The following SCRG1 variants were observed in gnomAD, a reference collection of about 807,000 sequenced individuals.
The protein encoded by SCRG1 is stimulator of chondrogenesis 1.
SCRG1 carries 3 observed loss-of-function variants against 7.7 expected under a neutral mutation model. The observed-to-expected ratio is 0.39, with a 90% CI of 0.18 to 1.01. SCRG1 has a LOEUF of 1.01. SCRG1 is among the 50% of genes least tolerant of loss of function. The pLI is 0.36. For missense variants in SCRG1, 110 were observed against 117.2 expected, an observed-to-expected ratio of 0.94 and a Z score of 0.28; for synonymous variants, 46 against 41.2, an observed-to-expected ratio of 1.12 and a Z score of -0.44.
chr4:173,457,846 T>C, the SCRG1 span, among the ~76,000 whole-genome samples: 1 of 152,134 alleles, frequency 6.6e-6, no homozygotes, highest in Non-Finnish European at 1.5e-5. Context: ...CTGTCCCTTT[T>C]CCCCAGTCCC....
chr4:173,457,172 G>C, the SCRG1 span, among the ~76,000 whole-genome samples: 1 of 152,238 alleles, frequency 6.6e-6, no homozygotes, highest in South Asian at 2.1e-4. Context: ...AACATCTGCA[G>C]AGGAAAGTGT....
chr4:173,409,251 A>G (rs988898938), upstream of SCRG1, among the ~76,000 whole-genome samples: 1 of 152,144 alleles, frequency 6.6e-6, no homozygotes, highest in Non-Finnish European at 1.5e-5. Flanking sequence ...GTTATGATAC[A>G]TTAGATGGGA....
chr4:173,416,481 G>A, the SCRG1 span, among the ~76,000 whole-genome samples: 134 of 152,340 alleles, frequency 8.8e-4, 2 homozygotes, highest in East Asian at 8.9e-3. Flanking sequence ...AGTGCCAGGC[G>A]CGGTGGCGCG....
At chr4:173,497,385 T>G in the SCRG1 span, among the ~76,000 whole-genome samples, 1 of 152,084 alleles carries the variant, frequency 6.6e-6, no homozygotes, top group African/African-American at 2.4e-5. Context: ...TCCAAGTTGT[T>G]TAGGTCCCCT....
chr4:173,417,367 T>C, the SCRG1 span, among the ~76,000 whole-genome samples: 1 of 152,190 alleles, frequency 6.6e-6, no homozygotes, highest in Admixed American at 6.5e-5. Flanking sequence ...AGAAACAGAA[T>C]TGAATCCATA....
chr4:173,501,332 C>T, the SCRG1 span, among the ~76,000 whole-genome samples: 1 of 152,188 alleles, frequency 6.6e-6, no homozygotes. This position sits in a 1 kb window ranked among gnomAD's most constrained non-coding sequence, Gnocchi z 5.1. Context: ...CACGGTCAAG[C>T]CCTAGTTTTC....
chr4:173,483,684 TATATTGTG>T, the SCRG1 span, among the ~76,000 whole-genome samples: 21 of 5,960 alleles, frequency 3.5e-3, 7 homozygotes, highest in African/African-American at 7.6e-3. Flanking sequence ...TATGATATAT[TATATTGTG>T]ATATATCATA....
the SCRG1 span, among the ~76,000 whole-genome samples, chr4:173,502,362 C>G: frequency 5.9e-5 from 9 of 152,246 alleles, no homozygotes; most frequent in East Asian, 1.7e-3. This position sits in a 1 kb window ranked among gnomAD's most constrained non-coding sequence, Gnocchi z 4.6. Flanking sequence ...TGAATAACCC[C>G]GAAGGCAGCA....
chr4:173,504,726 G>A, the SCRG1 span, among the ~76,000 whole-genome samples: 1 of 152,214 alleles, frequency 6.6e-6, no homozygotes, highest in African/African-American at 2.4e-5. The surrounding 1 kb of genome is among the most constrained non-coding windows in gnomAD (Gnocchi z 4.7). Context: ...GAGAGGAGAT[G>A]TCACTGAAAG....
At chr4:173,432,456 T>C in the SCRG1 span, among the ~76,000 whole-genome samples, 2 of 151,582 alleles carry the variant, frequency 1.3e-5, no homozygotes, top group African/African-American at 4.9e-5. Context: ...CTCTCCTGTC[T>C]CTCCCCACTC....
At chr4:173,483,855 TC>T in the SCRG1 span, among the ~76,000 whole-genome samples, 1 of 62,676 alleles carries the variant, frequency 1.6e-5, no homozygotes, top group Non-Finnish European at 2.7e-5. Flanking sequence ...AATATATATT[TC>T]ATATTACATA....
At chr4:173,502,487 G>T in the SCRG1 span, among the ~76,000 whole-genome samples, 2 of 152,172 alleles carry the variant, frequency 1.3e-5, no homozygotes, top group African/African-American at 2.4e-5. The surrounding 1 kb of genome is among the most constrained non-coding windows in gnomAD (Gnocchi z 4.6). Flanking sequence ...TTCATGTGAC[G>T]GAGAGGATGT....
upstream of SCRG1, among the ~76,000 whole-genome samples, chr4:173,400,420 G>C (rs1739732423): frequency 6.6e-6 from 1 of 152,160 alleles, no homozygotes. Flanking sequence ...ATAGAAATGA[G>C]TTAGTTGGTG....
At chr4:173,433,879 C>T in the SCRG1 span, among the ~76,000 whole-genome samples, 1 of 152,188 alleles carries the variant, frequency 6.6e-6, no homozygotes, top group Non-Finnish European at 1.5e-5. Context: ...GACATGGGTC[C>T]CTACTCTATG....
upstream of SCRG1, chr4:173,403,956 T>C (rs1014308853): frequency 2.0e-5 from 3 of 152,514 alleles, no homozygotes; most frequent in African/African-American, 7.2e-5. Context: ...ATCTGGTGAG[T>C]TGATAATGTT....
chr4:173,515,571 G>GGT, the SCRG1 span, among the ~76,000 whole-genome samples: 9 of 139,066 alleles, frequency 6.5e-5, no homozygotes, highest in South Asian at 2.4e-4. This position sits in a 1 kb window ranked among gnomAD's most constrained non-coding sequence, Gnocchi z 4.6. Flanking sequence ...GAGGGAAAGA[G>GGT]GTGTGTGTGT....
the SCRG1 span, among the ~76,000 whole-genome samples, chr4:173,502,945 G>A: frequency 2.0e-5 from 3 of 152,312 alleles, no homozygotes; most frequent in South Asian, 6.2e-4. The surrounding 1 kb of genome is among the most constrained non-coding windows in gnomAD (Gnocchi z 4.6). Flanking sequence ...TCCCTTAGTG[G>A]AAAAATAGAA....
the SCRG1 span, among the ~76,000 whole-genome samples, chr4:173,516,532 T>C: frequency 6.6e-6 from 1 of 152,218 alleles, no homozygotes; most frequent in Non-Finnish European, 1.5e-5. Context: ...CCAATCATAG[T>C]TCATAGTTCA....
chr4:173,483,226 ATT>A, the SCRG1 span, among the ~76,000 whole-genome samples: 2 of 32,430 alleles, frequency 6.2e-5, no homozygotes, highest in Non-Finnish European at 1.1e-4. Flanking sequence ...TAATATATAT[ATT>A]ATATATAATA....
Sources: gnomAD v4.1 joint callset for allele counts (sites outside exome capture counted in the v4.1 genomes callset) on GRCh38, gnomAD v4.1.1 for gene constraint, Gnocchi (gnomAD v3.1) non-coding constraint, MANE v1.5 for transcripts, NCBI Gene and HGNC (gene_info 2026-07-23, HGNC 2026-07-21) for gene names.